CD86: variants seen among roughly 807,000 people sequenced by gnomAD.
CD86 encodes the protein CD86 molecule, also known as T-lymphocyte activation antigen CD86.
In CD86, 11 loss-of-function variants were observed where a neutral mutation model predicts 32.1. The observed-to-expected ratio is 0.34, with a 90% CI of 0.22 to 0.57. CD86 has a LOEUF of 0.57. Ranked by LOEUF, CD86 falls within the 20% of genes least tolerant of loss-of-function variation. The probability of loss-of-function intolerance (pLI) is 0.86; values close to 1 mark genes in which losing one functional copy is unlikely to be tolerated. For missense variants in CD86, 359 were observed against 398.4 expected (o/e 0.90, Z 0.84); for synonymous variants, 137 against 135.3 (o/e 1.01, Z -0.09).
chr3:122,115,475 G>C (rs1177178935), intron 5 of CD86, among the ~76,000 whole-genome samples: 1 of 151,862 alleles, frequency 6.6e-6, no homozygotes, highest in Non-Finnish European at 1.5e-5. Flanking sequence ...TCAAAATCCT[G>C]GTAAGCTCTC....
At chr3:122,101,505 AAAAAAAAAAT>A (rs1433593798) in intron 2 of CD86, among the ~76,000 whole-genome samples, 17 of 45,484 alleles carry the variant, frequency 3.7e-4, no homozygotes, top group South Asian at 2.3e-3. Flanking sequence ...GAAAAAAAAA[AAAAAAAAAAT>A]ATATATATAT....
chr3:122,108,176 C>T (rs1265011918), intron 4 of CD86, among the ~76,000 whole-genome samples: 3 of 152,248 alleles, frequency 2.0e-5, no homozygotes, highest in Non-Finnish European at 4.4e-5. Flanking sequence ...CAGGTACCCC[C>T]ATCTTCAGAA....
chr3:122,067,798 G>T (rs1359206749), intron 1 of CD86, among the ~76,000 whole-genome samples: 1 of 152,162 alleles, frequency 6.6e-6, no homozygotes, highest in Non-Finnish European at 1.5e-5. Context: ...CTGAAGAGTA[G>T]AAAGATTGAC....
At chr3:122,057,341 A>C (rs921820971) in intron 1 of CD86, among the ~76,000 whole-genome samples, 1 of 152,210 alleles carries the variant, frequency 6.6e-6, no homozygotes, top group African/African-American at 2.4e-5. Flanking sequence ...AAATCTTAGA[A>C]ACAATTTACG....
intron 5 of CD86, 79 bp downstream of exon 5, chr3:122,109,487 T>C: frequency 6.5e-7 from 1 of 1,539,156 alleles, no homozygotes. Flanking sequence ...CCGGAGCTTG[T>C]TGGCTGAGCC....
intron 1 of CD86, among the ~76,000 whole-genome samples, chr3:122,089,172 G>A (rs1303925592): frequency 6.6e-6 from 1 of 152,198 alleles, no homozygotes; most frequent in Non-Finnish European, 1.5e-5. Context: ...GCTGAGAGGA[G>A]GAGAGAAAGA....
At chr3:122,096,446 A>AT (rs940601493) in intron 2 of CD86, among the ~76,000 whole-genome samples, 4 of 152,104 alleles carry the variant, frequency 2.6e-5, no homozygotes, top group East Asian at 1.9e-4. Context: ...ACTTATTTAA[A>AT]TTTTTTTTGA....
chr3:122,087,862 A>T (rs2072749753), intron 1 of CD86, among the ~76,000 whole-genome samples: 1 of 152,138 alleles, frequency 6.6e-6, no homozygotes, highest in South Asian at 2.1e-4. Flanking sequence ...GCAGCTTCTA[A>T]CCCAGGGGAA....
intron 1 of CD86, among the ~76,000 whole-genome samples, chr3:122,087,693 T>C (rs972138759): frequency 1.3e-5 from 2 of 152,130 alleles, no homozygotes; most frequent in Non-Finnish European, 2.9e-5. Context: ...TAGTGAAGCT[T>C]ACTGGAAGGA....
chr3:122,094,794 G>A (rs2072880938), intron 2 of CD86, among the ~76,000 whole-genome samples: 1 of 152,210 alleles, frequency 6.6e-6, no homozygotes, highest in South Asian at 2.1e-4. Flanking sequence ...CCCTGCTCTT[G>A]AGGATAAAAT....
intron 1 of CD86, among the ~76,000 whole-genome samples, chr3:122,072,065 T>C (rs1477759104): frequency 6.6e-6 from 1 of 151,380 alleles, no homozygotes; most frequent in East Asian, 1.9e-4. Flanking sequence ...GAACTCATCA[T>C]TTTTTATGGC....
chr3:122,118,219 G>A (rs2073286371), intron 6 of CD86, 126 bp downstream of exon 6: 2 of 758,686 alleles, frequency 2.6e-6, no homozygotes, highest in East Asian at 2.7e-5. Flanking sequence ...AGAGGGAGAG[G>A]AAAATAAAAC....
At chr3:122,058,007 T>C (rs1014807075) in intron 1 of CD86, among the ~76,000 whole-genome samples, 1 of 152,236 alleles carries the variant, frequency 6.6e-6, no homozygotes, top group Non-Finnish European at 1.5e-5. Context: ...TTAACCATTG[T>C]AATTCCCAGT....
intron 2 of CD86, among the ~76,000 whole-genome samples, chr3:122,096,158 C>G (rs1430584847): frequency 6.6e-6 from 1 of 152,212 alleles, no homozygotes; most frequent in Non-Finnish European, 1.5e-5. Flanking sequence ...CTCTAATTCC[C>G]AGGCTCAAGA....
At chr3:122,099,020 G>C (rs559905512) in intron 2 of CD86, among the ~76,000 whole-genome samples, 15 of 152,316 alleles carry the variant, frequency 9.8e-5, no homozygotes, top group African/African-American at 3.6e-4. Flanking sequence ...GAAAGTTATA[G>C]GCTGGCAATA....
intron 1 of CD86, among the ~76,000 whole-genome samples, chr3:122,056,960 G>A (rs2072247030): frequency 6.6e-6 from 1 of 152,180 alleles, no homozygotes; most frequent in Non-Finnish European, 1.5e-5. Flanking sequence ...AGTGCCTGAA[G>A]ATTGGTCATG....
intron 1 of CD86, 108 bp from the exon 2 acceptor site, chr3:122,091,493 G>T: frequency 1.2e-6 from 1 of 863,170 alleles, no homozygotes. Context: ...CTGCACACCC[G>T]AGAACCCAAG....
chr3:122,059,279 A>G (rs986139581), intron 1 of CD86, among the ~76,000 whole-genome samples: 3 of 152,206 alleles, frequency 2.0e-5, no homozygotes, highest in Non-Finnish European at 2.9e-5. Context: ...GAGGAAGCCA[A>G]GGACAGAACC....
At chr3:122,102,242 C>G (rs2073021347) in intron 2 of CD86, among the ~76,000 whole-genome samples, 2 of 152,006 alleles carry the variant, frequency 1.3e-5, no homozygotes, top group African/African-American at 4.8e-5. Context: ...CCCATCTCCT[C>G]CCTTTCCTCC....
Sources: gnomAD v4.1 joint callset for allele counts (sites outside exome capture counted in the v4.1 genomes callset) on GRCh38, gnomAD v4.1.1 for gene constraint, MANE v1.5 for transcripts, NCBI Gene and HGNC (gene_info 2026-07-23, HGNC 2026-07-21) for gene names.